Variants in SLC26A2 observed in about 807,000 individuals in gnomAD.
SLC26A2 encodes solute carrier family 26 member 2.
Under a neutral mutation model 41.1 loss-of-function variants are expected in SLC26A2, and 36 were observed. The ratio of observed to expected loss-of-function variants is 0.88; its 90% CI spans 0.67 to 1.16. The LOEUF (loss-of-function observed/expected upper bound fraction) is 1.16, where lower values mean the gene tolerates loss of function less well. Ranked by LOEUF, SLC26A2 falls within the 50% of genes most tolerant of loss-of-function variation. The pLI is 0.00. For synonymous variants in SLC26A2, 291 were observed against 311.6 expected, an observed-to-expected ratio of 0.93 and a Z score of 0.70; for missense variants, 796 against 869.6, an observed-to-expected ratio of 0.92 and a Z score of 1.07.
chr5:149,978,460 T>G (rs1332843429), intron 2 of SLC26A2, 109 bp downstream of exon 2: 1 of 1,007,612 alleles, frequency 9.9e-7, no homozygotes, highest in East Asian at 2.5e-5. Flanking sequence ...TATCATTTAT[T>G]GAGAGTTCAG....
rs1409549241 is a variant in SLC26A2 at position 149,980,322 on chromosome 5, T to G, written c.729T>G (p.Phe243Leu). The change falls in exon 3 of 3, where the codon TTT becomes TTG. Residue 243 changes from phenylalanine to leucine, a missense_variant. By Grantham distance (22) the Phe-to-Leu change is conservative (BLOSUM62 0). Transcript: ENST00000286298. ...QVAMGFFQVG[F>L]VSVYLSDALL... ...CGATGGGCTTCTTTCAAGTGGGTTT[T>G]GTTTCTGTCTACCTCTCAGATGCCT... 6.2e-7 allele frequency: 1 copy of G among 1,614,200 alleles called. No individual in the cohort carries two copies. Among genetic ancestry groups the G allele is most frequent in the Non-Finnish European group, 8.5e-7 (1 of 1,180,006 alleles).
At chr5:149,968,031 GTGTC>G (rs2113688941) in intron 1 of SLC26A2, among the ~76,000 whole-genome samples, 1 of 141,070 alleles carries the variant, frequency 7.1e-6, no homozygotes, top group Admixed American at 7.2e-5. Context: ...TGTTTGCATC[GTGTC>G]TGTCTTTTGC....
intron 1 of SLC26A2, among the ~76,000 whole-genome samples, chr5:149,970,440 G>A (rs1267290549): frequency 6.6e-6 from 1 of 152,156 alleles, no homozygotes; most frequent in East Asian, 1.9e-4. Flanking sequence ...GGGCCTAGGA[G>A]TTCAAGGCTG....
chr5:149,961,511 CAGAG>C (rs1331371805), intron 1 of SLC26A2, among the ~76,000 whole-genome samples: 1 of 152,172 alleles, frequency 6.6e-6, no homozygotes, highest in Non-Finnish European at 1.5e-5. Context: ...ACTGAGAAGA[CAGAG>C]AGGGCCCAGA....
intron 1 of SLC26A2, among the ~76,000 whole-genome samples, chr5:149,964,890 C>T (rs1754778752): frequency 6.6e-6 from 1 of 152,078 alleles, no homozygotes; most frequent in Admixed American, 6.6e-5. Context: ...ACAGTTATTT[C>T]AAAATAAAAA....
chr5:149,976,001 T>C (rs1242623743), intron 1 of SLC26A2, among the ~76,000 whole-genome samples: 1 of 151,950 alleles, frequency 6.6e-6, no homozygotes. Context: ...CTACTAAAAA[T>C]GCAAAAATTA....
At chr5:149,965,057 T>C (rs1012382408) in intron 1 of SLC26A2, among the ~76,000 whole-genome samples, 1 of 152,232 alleles carries the variant, frequency 6.6e-6, no homozygotes, top group African/African-American at 2.4e-5. Context: ...GGTGAATTGT[T>C]AGTATGGAAG....
At chr5:149,970,392 T>C (rs1042728912) in intron 1 of SLC26A2, among the ~76,000 whole-genome samples, 5 of 152,142 alleles carry the variant, frequency 3.3e-5, no homozygotes, top group Non-Finnish European at 7.4e-5. Flanking sequence ...GTACCTGTAG[T>C]CCTAGCTACT....
chr5:149,970,078 C>G (rs1754875934), intron 1 of SLC26A2, among the ~76,000 whole-genome samples: 1 of 152,088 alleles, frequency 6.6e-6, no homozygotes, highest in Non-Finnish European at 1.5e-5. Context: ...AATAGTTTTG[C>G]TTATAAGTAA....
chr5:149,972,025 T>C (rs951178045), intron 1 of SLC26A2, among the ~76,000 whole-genome samples: 1 of 152,250 alleles, frequency 6.6e-6, no homozygotes, highest in African/African-American at 2.4e-5. Context: ...TTCTGATTCT[T>C]TTCCTCCAAC....
rs886060246 is a variant in SLC26A2 at position 149,985,502 on chromosome 5, ACAG to A, written c.*3693_*3695del. ...CTAATGGCTAGTACGTTTAAACAAA[ACAG>A]CAGTTCTCTGCTGCAATATTCCCAT... On this transcript the variant is annotated 3_prime_UTR_variant, in exon 3 of 3. Coordinates refer to ENST00000286298, the MANE Select transcript of SLC26A2 (RefSeq NM_000112.4). The A allele has an allele frequency of 2.0e-5, 3 of 152,204 alleles. No individual in the cohort carries two copies. The highest frequency in any genetic ancestry group is 4.4e-5 in the Non-Finnish European group (3 of 68,038). The allele number at this position is 152,204 out of a possible 1,614,324, so 9.4% of individuals were successfully genotyped here. A position where few individuals can be genotyped will look rare whatever the true frequency, so the allele number is the denominator to read the frequency against.
intron 1 of SLC26A2, among the ~76,000 whole-genome samples, chr5:149,969,420 A>G (rs988602390): frequency 2.6e-5 from 4 of 152,162 alleles, no homozygotes; most frequent in Admixed American, 2.6e-4. Flanking sequence ...TGGACACACC[A>G]TCTGGACATA....
intron 1 of SLC26A2, among the ~76,000 whole-genome samples, chr5:149,974,672 C>T (rs189496422): frequency 1.3e-5 from 2 of 149,124 alleles, no homozygotes. Flanking sequence ...ATCTGCCTGC[C>T]TTGGCCTCCG....
intron 1 of SLC26A2, among the ~76,000 whole-genome samples, chr5:149,963,164 C>T (rs889362327): frequency 6.6e-6 from 1 of 151,898 alleles, no homozygotes; most frequent in Non-Finnish European, 1.5e-5. Flanking sequence ...GGCTGGAGTG[C>T]GGTGGCGCCA....
At chr5:149,965,479 CAAAAA>C (rs55779255) in intron 1 of SLC26A2, among the ~76,000 whole-genome samples, 1 of 63,924 alleles carries the variant, frequency 1.6e-5, no homozygotes, top group Non-Finnish European at 2.9e-5. Context: ...GACTCTGTCT[CAAAAA>C]AAAAAAAAAA....
chr5:149,970,009 A>G (rs578126836), intron 1 of SLC26A2, among the ~76,000 whole-genome samples: 1 of 152,328 alleles, frequency 6.6e-6, no homozygotes, highest in South Asian at 2.1e-4. Context: ...CCTCTACTGT[A>G]TGTGCTAAGC....
In SLC26A2 at chr5:149,981,997, G is replaced by A. The variant is rs1272847800; in HGVS notation, c.*184G>A. 1.7e-6 allele frequency: 1 copy of A among 587,964 alleles called. No individual in the cohort carries two copies. Among genetic ancestry groups the A allele is most frequent in the Non-Finnish European group, 3.0e-6 (1 of 334,598 alleles). The allele number at this position is 587,964 out of a possible 1,614,324, so 36.4% of individuals were successfully genotyped here. On this transcript the variant is annotated 3_prime_UTR_variant, in exon 3 of 3. Transcript: ENST00000286298. ...CTGCAGCAGAGCTTGTAGCTGGACA[G>A]AGTCAAAAAGAAGAAAATACGGTTT...
intron 1 of SLC26A2, among the ~76,000 whole-genome samples, chr5:149,965,209 G>C (rs924535335): frequency 1.2e-4 from 18 of 152,128 alleles, no homozygotes; most frequent in African/African-American, 4.3e-4. Flanking sequence ...GTGGCTGGGC[G>C]CGGTGGCTCA....
At position 149,977,949 on chromosome 5, in the gene SLC26A2, C is replaced by G; in HGVS notation, c.297C>G (p.Leu99=). The part of the protein sequence containing the change: ...ILGFLPVLQW[L]PKYDLKKNIL... ...GTTTCCTTCCTGTTTTGCAGTGGCT[C>G]CCAAAATACGACCTAAAGAAAAACA... Residue 99 remains leucine, a synonymous_variant, in exon 2 of 3, where the codon CTC becomes CTG. Coordinates refer to ENST00000286298, the MANE Select transcript of SLC26A2 (RefSeq NM_000112.4). The G allele has an allele frequency of 6.2e-7, 1 of 1,614,186 alleles. No homozygotes were observed. The highest frequency in any genetic ancestry group is 8.5e-7 in the Non-Finnish European group (1 of 1,180,034).
Sources: allele counts gnomAD v4.1 joint callset (sites outside exome capture counted in the v4.1 genomes callset), GRCh38; gene constraint gnomAD v4.1.1; transcripts MANE v1.5; gene names NCBI Gene and HGNC (gene_info 2026-07-23, HGNC 2026-07-21).